Variants in EVI5 observed in about 807,000 individuals in gnomAD.
EVI5 encodes ecotropic viral integration site 5 protein homolog.
A neutral mutation model predicts 112.0 loss-of-function variants in EVI5; 73 were observed. The observed-to-expected ratio is 0.65, with a 90% CI of 0.54 to 0.79. The LOEUF is 0.79. Among genes scored for constraint, EVI5 ranks in the 30% least tolerant of loss-of-function variants. The probability of loss-of-function intolerance (pLI) is 0.00; values close to 1 mark genes in which losing one functional copy is unlikely to be tolerated. For synonymous variants in EVI5, 305 were observed against 319.9 expected, an observed-to-expected ratio of 0.95 and a Z score of 0.50; for missense variants, 900 against 968.8, an observed-to-expected ratio of 0.93 and a Z score of 0.94.
intron 18 of EVI5, among the ~76,000 whole-genome samples, chr1:92,588,292 T>C (rs1458268620): frequency 6.6e-6 from 1 of 152,168 alleles, no homozygotes; most frequent in African/African-American, 2.4e-5. Context: ...AGGTCAAAGT[T>C]TTAGGTCCTA....
chr1:92,702,719 T>C (rs1261479708), intron 4 of EVI5, among the ~76,000 whole-genome samples: 6 of 151,408 alleles, frequency 4.0e-5, no homozygotes, highest in East Asian at 3.9e-4. Flanking sequence ...GGCAGGAGAA[T>C]TGCTTGAACC....
At chr1:92,661,878 T>C (rs1409265473) in intron 13 of EVI5, among the ~76,000 whole-genome samples, 1 of 150,602 alleles carries the variant, frequency 6.6e-6, no homozygotes, top group Non-Finnish European at 1.5e-5. Context: ...TAACACAACT[T>C]CTTCTGCTTA....
chr1:92,549,922 A>G (rs1280015495), intron 19 of EVI5, among the ~76,000 whole-genome samples: 2 of 152,206 alleles, frequency 1.3e-5, no homozygotes, highest in African/African-American at 2.4e-5. Context: ...TAGTTTAACC[A>G]TTGTGGAAGA....
At chr1:92,553,329 G>T (rs1201842291) in intron 19 of EVI5, among the ~76,000 whole-genome samples, 10 of 128,626 alleles carry the variant, frequency 7.8e-5, no homozygotes, top group Non-Finnish European at 3.2e-5. Flanking sequence ...TTGAGATGGA[G>T]TCTCACTCTG....
At chr1:92,594,385 C>T (rs2101379572) in intron 18 of EVI5, among the ~76,000 whole-genome samples, 1 of 151,544 alleles carries the variant, frequency 6.6e-6, no homozygotes, top group East Asian at 1.9e-4. Flanking sequence ...GAAACTGGAT[C>T]CCCTCATTAC....
chr1:92,752,624 G>A (rs932472462), intron 1 of EVI5, among the ~76,000 whole-genome samples: 13 of 152,038 alleles, frequency 8.6e-5, no homozygotes, highest in Non-Finnish European at 1.5e-4. Context: ...TGTGGGGAGC[G>A]GGGAGTCGAC....
intron 1 of EVI5, among the ~76,000 whole-genome samples, chr1:92,774,928 C>T (rs1180805435): frequency 1.3e-5 from 2 of 152,166 alleles, no homozygotes; most frequent in East Asian, 1.9e-4. Context: ...TGCAAGCAAA[C>T]TTAGGGGGTC....
chr1:92,550,831 A>T (rs1156260285), intron 19 of EVI5, among the ~76,000 whole-genome samples: 1 of 128,774 alleles, frequency 7.8e-6, no homozygotes, highest in Non-Finnish European at 1.6e-5. Flanking sequence ...AAAACAAAAG[A>T]TATATTCAAT....
chr1:92,675,180 C>T (rs1029531222), intron 10 of EVI5, among the ~76,000 whole-genome samples: 6 of 151,912 alleles, frequency 3.9e-5, no homozygotes, highest in Non-Finnish European at 5.9e-5. Context: ...CTGTCTCTAC[C>T]GAAAATACAA....
At chr1:92,679,251 T>C (rs1227325585) in intron 9 of EVI5, among the ~76,000 whole-genome samples, 4 of 152,108 alleles carry the variant, frequency 2.6e-5, no homozygotes, top group East Asian at 1.9e-4. Flanking sequence ...CCAGCCCCCA[T>C]AAGTGGAGAA....
chr1:92,674,980 G>A (rs554184537), intron 10 of EVI5, among the ~76,000 whole-genome samples: 1 of 152,276 alleles, frequency 6.6e-6, no homozygotes, highest in East Asian at 1.9e-4. Context: ...TGAGACACAT[G>A]GAGCTAGATT....
At chr1:92,732,111 CA>C (rs921930346) in intron 2 of EVI5, 1 of 162,670 alleles carries the variant, frequency 6.1e-6, no homozygotes, top group African/African-American at 2.4e-5. Context: ...GCCTTGAATA[CA>C]AAAGCTGGCG....
chr1:92,551,979 G>A (rs2100769455), intron 19 of EVI5, among the ~76,000 whole-genome samples: 1 of 152,202 alleles, frequency 6.6e-6, no homozygotes, highest in Non-Finnish European at 1.5e-5. Flanking sequence ...GAAATTTACT[G>A]ATAAGTATTA....
intron 18 of EVI5, among the ~76,000 whole-genome samples, chr1:92,574,909 T>TA (rs1288983488): frequency 6.6e-6 from 1 of 152,204 alleles, no homozygotes; most frequent in African/African-American, 2.4e-5. Flanking sequence ...CAGCAGATTT[T>TA]AAAAGCTATG....
In EVI5 at chr1:92,693,097, A is replaced by C. The variant is rs958782517; in HGVS notation, c.1097+705T>G. Among the ~76,000 whole-genome samples the C allele has an allele frequency of 3.3e-5, 5 of 152,322 alleles. No individual in the cohort carries two copies. The East Asian group carries it at 9.6e-4, about 29-fold the overall frequency. ...CCAGGTGCAGCGGCTCACACCTGTA[A>C]TCCCAACATTTTAGGAGGCTGAGGT... is the stretch of plus-strand genomic sequence containing the variant. On this transcript the variant is annotated intron_variant, in intron 9 of 19. Transcript: ENST00000684568.
At chr1:92,753,426 T>C (rs1037489877) in intron 1 of EVI5, among the ~76,000 whole-genome samples, 2 of 152,206 alleles carry the variant, frequency 1.3e-5, no homozygotes, top group African/African-American at 4.8e-5. Context: ...TAAGATTCTC[T>C]AGTAGCTATA....
intron 16 of EVI5, among the ~76,000 whole-genome samples, chr1:92,617,719 G>A (rs1030421763): frequency 9.9e-5 from 15 of 152,230 alleles, no homozygotes; most frequent in African/African-American, 2.4e-4. Context: ...CATTCCTCAC[G>A]GTGATCAGCT....
chr1:92,756,470 T>C (rs1444012791), intron 1 of EVI5: 1 of 539,802 alleles, frequency 1.9e-6, no homozygotes, highest in Middle Eastern at 6.1e-4. Flanking sequence ...TTCTCCAACA[T>C]GGCCTACAAG....
chr1:92,765,748 T>A (rs1237080580), intron 1 of EVI5, among the ~76,000 whole-genome samples: 1 of 152,100 alleles, frequency 6.6e-6, no homozygotes, highest in Admixed American at 6.6e-5. Context: ...ATTACCAAAT[T>A]ACTGACTTCC....
Sources: allele counts gnomAD v4.1 joint callset (sites outside exome capture counted in the v4.1 genomes callset), GRCh38; gene constraint gnomAD v4.1.1; transcripts MANE v1.5; gene names NCBI Gene and HGNC (gene_info 2026-07-23, HGNC 2026-07-21).